OTOF: variants seen among roughly 807,000 people sequenced by gnomAD.
OTOF encodes fer-1-like family member 2.
OTOF carries 218 observed loss-of-function variants against 236.8 expected under a neutral mutation model. The observed-to-expected ratio is 0.92, with a 90% CI of 0.82 to 1.03. OTOF has a LOEUF of 1.03. Among genes scored for constraint, OTOF ranks in the 50% least tolerant of loss-of-function variants. OTOF has a pLI of 0.00. For synonymous variants in OTOF, 1,041 were observed against 1,072.5 expected (o/e 0.97, Z 0.57); for missense variants, 2,590 against 2,694.4 (o/e 0.96, Z 0.86).
At chr2:26,458,394 C>T (rs1664290895) in intron 46 of OTOF, among the ~76,000 whole-genome samples, 174 bp from the exon 47 acceptor site, 1 of 152,210 alleles carries the variant, frequency 6.6e-6, no homozygotes, top group Admixed American at 6.5e-5. Flanking sequence ...TTGCTGCTTA[C>T]AAAACTCTAT....
chr2:26,489,705 G>T lies in OTOF; in HGVS notation c.933C>A (p.Val311=). Reference sequence around the variant, plus strand: ...AAATCTTGATGATCTTGTCAAACATGACATCCGGAGAGACATGGAAGTCGA... The same window carrying T: ...AAATCTTGATGATCTTGTCAAACATTACATCCGGAGAGACATGGAAGTCGA... ...FVFDFHVSPD[V]MFDKIIKISV... is the part of the protein sequence containing the mutation. Residue 311 remains valine (V), a synonymous_variant, in exon 10 of 47, where the codon GTC becomes GTA. Transcript: ENST00000272371. The T allele has an allele frequency of 1.2e-6, 2 of 1,613,010 alleles. No individual in the cohort carries two copies. Among genetic ancestry groups the T allele is most frequent in the South Asian group, 2.2e-5 (2 of 91,076 alleles).
intron 1 of OTOF, among the ~76,000 whole-genome samples, chr2:26,550,701 G>A (rs546293263): frequency 1.1e-4 from 16 of 152,206 alleles, no homozygotes; most frequent in African/African-American, 3.4e-4. Flanking sequence ...TGATCCCAGC[G>A]CCGCTCCTTC....
chr2:26,477,773 T>C lies in OTOF; in HGVS notation c.2215-24A>G. On this transcript the variant is annotated intron_variant, in intron 18 of 46. Transcript: ENST00000272371. This position sits in a 1 kb window ranked among gnomAD's most constrained non-coding sequence, Gnocchi z 4.7. The stretch of plus-strand genomic sequence containing the variant: ...TCCTGTGAATCAGGAGTGTGGGTGA[T>C]GCTGGGCCACAGCCCCGCCTCCCCA... The C allele has an allele frequency of 6.2e-7, 1 of 1,612,224 alleles. No homozygotes were observed. The highest frequency in any genetic ancestry group is 2.2e-5 in the East Asian group (1 of 44,860).
chr2:26,500,815 C>G (rs948569167), intron 8 of OTOF, among the ~76,000 whole-genome samples: 11 of 152,046 alleles, frequency 7.2e-5, no homozygotes, highest in Admixed American at 3.9e-4. Context: ...TGGGGTTGTC[C>G]GTAAAGAAGG....
intron 39 of OTOF, 78 bp downstream of exon 39, chr2:26,464,791 C>T (rs1664646356): frequency 2.1e-6 from 3 of 1,423,740 alleles, no homozygotes; most frequent in African/African-American, 1.5e-5. Flanking sequence ...GTGAGGTTCC[C>T]CAGGGAAGTG....
chr2:26,516,663 T>A, intron 4 of OTOF, 64 bp from the exon 5 acceptor site: 1 of 1,547,874 alleles, frequency 6.5e-7, no homozygotes, highest in Non-Finnish European at 8.8e-7. Context: ...CCCGTATATG[T>A]GGCTGCTTGG....
chr2:26,475,825 T>C, intron 24 of OTOF, 89 bp downstream of exon 24: 1 of 1,504,982 alleles, frequency 6.6e-7, no homozygotes, highest in Non-Finnish European at 9.0e-7. Flanking sequence ...CCCCACAGGC[T>C]CACAGGCCCC....
At chr2:26,509,670 A>C (rs1431116810) in intron 5 of OTOF, among the ~76,000 whole-genome samples, 1 of 152,176 alleles carries the variant, frequency 6.6e-6, no homozygotes, top group African/African-American at 2.4e-5. Flanking sequence ...TTCTTAATAT[A>C]TTGAGGCCAC....
Position 26,489,221 on chromosome 2 carries a change from G to A in OTOF, c.1035C>T (p.Tyr345=), listed in dbSNP as rs138885901. 276 of 1,611,752 alleles carry A rather than the reference G, an allele frequency of 1.7e-4. No individual in the cohort carries two copies. The Middle Eastern group carries it at 2.3e-3, about 14-fold the overall frequency. The part of the protein sequence containing the change: ...GSFKMDVGTV[Y]SQPEHQFHHK... ...TGCGCAGGTACTCACCTGGCTGCGA[G>A]TACACGGTTCCCACGTCCATTTTGA... Residue 345 remains tyrosine, a synonymous_variant, in exon 11 of 47, where the codon TAC becomes TAT. Transcript: ENST00000272371.
At chr2:26,483,172 T>A (rs371876535) in intron 13 of OTOF, among the ~76,000 whole-genome samples, 1 of 151,688 alleles carries the variant, frequency 6.6e-6, no homozygotes, top group Admixed American at 6.6e-5. Context: ...CGTGCGTGTG[T>A]GAGTTGGTAT....
At position 26,459,936 on chromosome 2, in the gene OTOF, G is replaced by A. The variant is rs982591334; in HGVS notation, c.*17+72C>T. 2.5e-5 allele frequency: 35 copies of A among 1,373,124 alleles called. No individual in the cohort carries two copies. In the African/African-American group the frequency reaches 5.0e-4, roughly 20 times the overall value. The allele number at this position is 1,373,124 out of a possible 1,614,324, so 85.1% of individuals were successfully genotyped here. On this transcript the variant is annotated intron_variant, in intron 46 of 46. Coordinates refer to ENST00000272371, the MANE Select transcript of OTOF (RefSeq NM_194248.3). ...TGCATATTTGTGTTTGTGGATGTGT[G>A]CGTGTATATGTGTGTGTGTGCACGC... is the stretch of plus-strand genomic sequence containing the variant.
At chr2:26,496,807 G>T (rs1009878399) in intron 8 of OTOF, among the ~76,000 whole-genome samples, 1 of 151,950 alleles carries the variant, frequency 6.6e-6, no homozygotes, top group Non-Finnish European at 1.5e-5. Context: ...TGACCACATA[G>T]CCTTGTGTTT....
At chr2:26,548,369 C>T (rs1667383213) in intron 1 of OTOF, among the ~76,000 whole-genome samples, 1 of 152,040 alleles carries the variant, frequency 6.6e-6, no homozygotes, top group Admixed American at 6.6e-5. Flanking sequence ...CTAAAGTGCA[C>T]AGTTCAGTCG....
At chr2:26,522,895 AC>A (rs774669728) in intron 3 of OTOF, among the ~76,000 whole-genome samples, 28 of 152,128 alleles carry the variant, frequency 1.8e-4, no homozygotes, top group Non-Finnish European at 5.9e-5. Flanking sequence ...CAAAGAGGAC[AC>A]CCCTCACAGG....
At chr2:26,513,508 C>T (rs950485926) in intron 5 of OTOF, among the ~76,000 whole-genome samples, 1 of 152,154 alleles carries the variant, frequency 6.6e-6, no homozygotes, top group Non-Finnish European at 1.5e-5. Context: ...CTCCCCGCAG[C>T]CCCCAGCAGG....
intron 2 of OTOF, among the ~76,000 whole-genome samples, chr2:26,536,892 T>C (rs989920525): frequency 6.6e-6 from 1 of 151,972 alleles, no homozygotes; most frequent in South Asian, 2.1e-4. Context: ...GACGAAAGAA[T>C]GTGAGGAGGC....
chr2:26,484,064 A>G (rs977439664), intron 12 of OTOF, among the ~76,000 whole-genome samples: 1 of 152,212 alleles, frequency 6.6e-6, no homozygotes, highest in African/African-American at 2.4e-5. Context: ...GACAGGATTC[A>G]TTGATTCCCA....
Position 26,473,134 on chromosome 2 carries a change from G to A in OTOF, c.3731C>T (p.Thr1244Met), listed in dbSNP as rs368293095. 1.7e-5 allele frequency: 27 copies of A among 1,611,734 alleles called. No individual in the cohort carries two copies. The highest frequency in any genetic ancestry group is 2.7e-5 in the African/African-American group (2 of 74,906). ...PDRSAPSWNTTVRLLRRCRVL... is the reference protein window; with the variant it reads ...PDRSAPSWNTMVRLLRRCRVL... ...TGGCAGGGTGGATGTGGCCATACCCGTGGTGTTCCAGCTGGGGGCCGAGCG... is the reference window on the plus strand; with the variant it reads ...TGGCAGGGTGGATGTGGCCATACCCATGGTGTTCCAGCTGGGGGCCGAGCG... Residue 1244 changes from threonine (T) to methionine (M), a missense_variant and splice_region_variant, in exon 29 of 47, where the codon ACG becomes ATG. By Grantham distance (81) the Thr-to-Met change is moderately conservative. Coordinates refer to ENST00000272371, the MANE Select transcript of OTOF (RefSeq NM_194248.3). The surrounding 1 kb of genome is among the most constrained non-coding windows in gnomAD (Gnocchi z 7.2).
intron 5 of OTOF, among the ~76,000 whole-genome samples, chr2:26,513,345 A>T (rs1265182564): frequency 6.6e-6 from 1 of 152,194 alleles, no homozygotes; most frequent in Non-Finnish European, 1.5e-5. Flanking sequence ...CAGGCAGGGC[A>T]GGGCTGGGGG....
Sources: gnomAD v4.1 joint callset for allele counts (sites outside exome capture counted in the v4.1 genomes callset) on GRCh38, gnomAD v4.1.1 for gene constraint, Gnocchi (gnomAD v3.1) non-coding constraint, MANE v1.5 for transcripts, NCBI Gene and HGNC (gene_info 2026-07-23, HGNC 2026-07-21) for gene names.